FNBP1L: variants seen among roughly 807,000 people sequenced by gnomAD.
The protein encoded by FNBP1L is formin-binding protein 1-like.
In FNBP1L, 36 loss-of-function variants were observed where a neutral mutation model predicts 91.2. The ratio of observed to expected loss-of-function variants is 0.39; its 90% CI spans 0.30 to 0.52. The LOEUF (loss-of-function observed/expected upper bound fraction) is 0.52, where lower values mean the gene tolerates loss of function less well. Among genes scored for constraint, FNBP1L ranks in the 20% least tolerant of loss-of-function variants. The pLI, the probability that FNBP1L is intolerant of heterozygous loss-of-function variation, is 0.66. For synonymous variants in FNBP1L, 242 were observed against 237.0 expected (o/e 1.02, Z -0.19); for missense variants, 571 against 732.1 (o/e 0.78, Z 2.54).
chr1:93,451,550 A>C (rs948889703), intron 1 of FNBP1L, among the ~76,000 whole-genome samples: 1 of 152,204 alleles, frequency 6.6e-6, no homozygotes, highest in Non-Finnish European at 1.5e-5. Context: ...TTATAAGTGC[A>C]TATAAATCTT....
chr1:93,489,469 C>T (rs895541533), intron 1 of FNBP1L, among the ~76,000 whole-genome samples: 1 of 151,598 alleles, frequency 6.6e-6, no homozygotes, highest in Non-Finnish European at 1.5e-5. Flanking sequence ...ATTCTTCCTA[C>T]TTCATAAGGC....
rs3831984 is a variant in FNBP1L, at chr1:93,550,895, T to TA, written c.1652-44dup. On this transcript the variant is annotated intron_variant, in intron 15 of 16. Coordinates refer to ENST00000271234, the MANE Select transcript of FNBP1L (RefSeq NM_001164473.3). ...ATTTTGTGCATTGTATTAGTAACTT[T>TA]AAAAAAAATTATCACAATGCTTAAA... The TA allele has an allele frequency of 2.0e-4, 286 of 1,447,478 alleles. No homozygotes were observed. The African/African-American group carries it at 3.3e-3, about 17-fold the overall frequency. 89.7% of individuals were successfully genotyped at this position (1,447,478 alleles called of 1,614,324 possible). A position where few individuals can be genotyped will look rare whatever the true frequency, so the allele number is the denominator to read the frequency against.
chr1:93,494,856 A>G (rs1201457698), intron 1 of FNBP1L, among the ~76,000 whole-genome samples: 1 of 152,232 alleles, frequency 6.6e-6, no homozygotes, highest in Non-Finnish European at 1.5e-5. Context: ...CACGTCTTAC[A>G]TGGGAGCAGG....
At chr1:93,527,107 ATAAAT>A (rs1293988550) in intron 5 of FNBP1L, among the ~76,000 whole-genome samples, 2 of 152,346 alleles carry the variant, frequency 1.3e-5, no homozygotes, top group African/African-American at 4.8e-5. Context: ...CTACATTTAA[ATAAAT>A]TTGAAAAAAT....
chr1:93,529,667 G>A lies in FNBP1L; in HGVS notation c.421G>A (p.Glu141Lys). Residue 141 changes from glutamate (E) to lysine (K), a missense_variant, in exon 6 of 17, where the codon GAA (glutamate) becomes AAA (lysine). By Grantham distance (56) the Glu-to-Lys change is moderately conservative (BLOSUM62 1). Transcript: ENST00000271234. ...TTTTTAACAGAGTAAAAAGAAGTTT[G>A]AAAGAGAATGTAGAGAGGCAGAAAA... ...KQMDNSKKKFERECREAEKAQ... is the reference protein window; with the variant it reads ...KQMDNSKKKFKRECREAEKAQ... 2 of 1,494,578 alleles carry A rather than the reference G, an allele frequency of 1.3e-6. No homozygotes were observed. The highest frequency in any genetic ancestry group is 1.8e-6 in the Non-Finnish European group (2 of 1,127,774). The allele number at this position is 1,494,578 out of a possible 1,614,324, so 92.6% of individuals were successfully genotyped here.
At chr1:93,509,521 A>G (rs953542196) in intron 2 of FNBP1L, among the ~76,000 whole-genome samples, 25 of 152,254 alleles carry the variant, frequency 1.6e-4, no homozygotes, top group Non-Finnish European at 3.1e-4. Flanking sequence ...GGGTAGTGAT[A>G]CAGGTAGGTA....
At chr1:93,533,230 T>A (rs938465059) in intron 8 of FNBP1L, among the ~76,000 whole-genome samples, 162 bp downstream of exon 8, 10 of 152,040 alleles carry the variant, frequency 6.6e-5, no homozygotes, top group African/African-American at 2.4e-4. Flanking sequence ...GTTCTGAGAT[T>A]CATTCTACAT....
At chr1:93,544,056 A>C in intron 11 of FNBP1L, 51 bp from the exon 12 acceptor site, 2 of 1,351,312 alleles carry the variant, frequency 1.5e-6, no homozygotes, top group South Asian at 2.9e-5. Flanking sequence ...ATATTTTAAA[A>C]ATAAAATTTC....
intron 1 of FNBP1L, among the ~76,000 whole-genome samples, chr1:93,492,385 G>C (rs12410122): frequency 0.12 from 18,587 of 152,050 alleles, 1,258 homozygotes; most frequent in African/African-American, 0.18. Flanking sequence ...TAAATGCATG[G>C]GTCTTCAAAG....
At chr1:93,457,165 G>A (rs1232053769) in intron 1 of FNBP1L, among the ~76,000 whole-genome samples, 3 of 152,186 alleles carry the variant, frequency 2.0e-5, no homozygotes, top group African/African-American at 7.2e-5. Flanking sequence ...GATTACAAGT[G>A]TGAGCCACTG....
intron 5 of FNBP1L, among the ~76,000 whole-genome samples, chr1:93,528,023 A>G (rs145664729): frequency 1.6e-3 from 237 of 152,260 alleles, no homozygotes; most frequent in African/African-American, 5.6e-3. Context: ...ATAAAGTTCA[A>G]TAAATACCCC....
intron 2 of FNBP1L, among the ~76,000 whole-genome samples, chr1:93,504,249 C>G (rs1670532429): frequency 6.6e-6 from 1 of 152,164 alleles, no homozygotes; most frequent in Non-Finnish European, 1.5e-5. Flanking sequence ...TCTATTAATA[C>G]TGGAGTTTGG....
At chr1:93,477,000 A>G (rs1570781380) in intron 1 of FNBP1L, among the ~76,000 whole-genome samples, 1 of 152,224 alleles carries the variant, frequency 6.6e-6, no homozygotes, top group East Asian at 1.9e-4. Flanking sequence ...GACACAGCTA[A>G]TAAATGGCAG....
Position 93,534,744 on chromosome 1 carries a change from G to T in FNBP1L, c.826G>T (p.Glu276Ter). Residue 276 changes from glutamate (E) to a stop codon, truncating the protein, a stop_gained, in exon 9 of 17, where the codon GAA becomes TAA. Coordinates refer to ENST00000271234, the MANE Select transcript of FNBP1L (RefSeq NM_001164473.3). LOFTEE classifies it high-confidence loss of function. ...MVVDSFKSGF[E>*]PPGDFPFEDY... The stretch of plus-strand genomic sequence containing the variant: ...GGTAGACTCCTTCAAATCTGGTTTT[G>T]AACCTCCAGGAGACTTTCCATTTGA... 1 of 1,571,866 alleles carries T rather than the reference G, an allele frequency of 6.4e-7. No homozygotes were observed. The highest frequency in any genetic ancestry group is 2.3e-5 in the East Asian group (1 of 43,364).
Position 93,524,398 on chromosome 1 carries a change from A to G in FNBP1L, c.405+75A>G, listed in dbSNP as rs1671430263. ...AGCCCTAAATACTTTTATGCTTCAT[A>G]TCTATTTGAGTTTAATGTTTCTCAG... is the stretch of plus-strand genomic sequence containing the variant. On this transcript the variant is annotated intron_variant, in intron 5 of 16. Transcript: ENST00000271234. The G allele has an allele frequency of 4.7e-6, 5 of 1,066,780 alleles. No homozygotes were observed. In the South Asian group the frequency reaches 1.1e-4, roughly 22 times the overall value. 66.1% of individuals were successfully genotyped at this position (1,066,780 alleles called of 1,614,324 possible). A position where few individuals can be genotyped will look rare whatever the true frequency, so the allele number is the denominator to read the frequency against.
At chr1:93,471,995 G>GT (rs1451676301) in intron 1 of FNBP1L, among the ~76,000 whole-genome samples, 1 of 152,188 alleles carries the variant, frequency 6.6e-6, no homozygotes, top group Non-Finnish European at 1.5e-5. Flanking sequence ...AAATGGTGCT[G>GT]TTAATTAGCA....
rs370453122 is a variant in FNBP1L at position 93,470,367 on chromosome 1, G to T, written c.24+22062G>T. The stretch of plus-strand genomic sequence containing the variant: ...GGTCTTAAACTCCTGGGCTCAAGCA[G>T]TCATTCTGCCTTGGCCTCCTAAAGT... On this transcript the variant is annotated intron_variant, in intron 1 of 16. Coordinates refer to ENST00000271234, the MANE Select transcript of FNBP1L (RefSeq NM_001164473.3). Among the ~76,000 whole-genome samples the T allele has an allele frequency of 2.0e-5, 3 of 152,272 alleles. No individual in the cohort carries two copies. The East Asian group carries it at 5.8e-4, about 29-fold the overall frequency.
intron 2 of FNBP1L, among the ~76,000 whole-genome samples, chr1:93,510,417 C>CG (rs1557800178): frequency 6.6e-6 from 1 of 152,156 alleles, no homozygotes; most frequent in Non-Finnish European, 1.5e-5. Context: ...AGAAGGAAAA[C>CG]TAACAAACAG....
chr1:93,532,437 ATCC>A (rs1468861375), intron 7 of FNBP1L, among the ~76,000 whole-genome samples: 10 of 143,962 alleles, frequency 6.9e-5, no homozygotes, highest in Middle Eastern at 3.6e-3. Context: ...ACTGCACTCC[ATCC>A]AGCCTGGCGA....
Sources: gnomAD v4.1 joint callset for allele counts (sites outside exome capture counted in the v4.1 genomes callset) on GRCh38, gnomAD v4.1.1 for gene constraint, MANE v1.5 for transcripts, NCBI Gene and HGNC (gene_info 2026-07-23, HGNC 2026-07-21) for gene names.